SORCS1: variants seen among roughly 807,000 people sequenced by gnomAD.
SORCS1 encodes VPS10 domain-containing receptor SorCS1.
SORCS1 carries 60 observed loss-of-function variants against 146.1 expected under a neutral mutation model. The ratio of observed to expected loss-of-function variants is 0.41; its 90% CI spans 0.33 to 0.51. The LOEUF is 0.51. Among genes scored for constraint, SORCS1 ranks in the 20% least tolerant of loss-of-function variants. The pLI, the probability that SORCS1 is intolerant of heterozygous loss-of-function variation, is 0.21. For missense variants in SORCS1, 1,352 were observed against 1,487.6 expected (o/e 0.91, Z 1.50); for synonymous variants, 637 against 584.0 (o/e 1.09, Z -1.31).
intron 1 of SORCS1, among the ~76,000 whole-genome samples, chr10:106,974,404 A>G (rs561433402): frequency 6.6e-6 from 1 of 152,318 alleles, no homozygotes; most frequent in African/African-American, 2.4e-5. Flanking sequence ...TCAATACAGA[A>G]GGCTTTGTGA....
At chr10:106,776,790 G>A in intron 3 of SORCS1, 98 bp from the exon 4 acceptor site, 3 of 1,364,766 alleles carry the variant, frequency 2.2e-6, no homozygotes. Flanking sequence ...GGGAAGGACA[G>A]GGGCAGGCAA....
intron 10 of SORCS1, among the ~76,000 whole-genome samples, chr10:106,680,892 A>G (rs1299744088): frequency 6.6e-6 from 1 of 152,210 alleles, no homozygotes; most frequent in African/African-American, 2.4e-5. Context: ...AGTAAATGAC[A>G]AAGTGAAAAT....
intron 1 of SORCS1, among the ~76,000 whole-genome samples, chr10:106,974,997 C>A (rs1353111739): frequency 6.6e-6 from 1 of 152,226 alleles, no homozygotes; most frequent in Non-Finnish European, 1.5e-5. Flanking sequence ...CTCCTGGCAA[C>A]TCCTGACAGT....
At chr10:106,676,448 G>A (rs1370388578) in intron 13 of SORCS1, among the ~76,000 whole-genome samples, 1 of 152,184 alleles carries the variant, frequency 6.6e-6, no homozygotes, top group Non-Finnish European at 1.5e-5. Flanking sequence ...TAAACTCCAG[G>A]AGATGTTATT....
At chr10:106,914,606 A>G (rs1952324096) in intron 2 of SORCS1, among the ~76,000 whole-genome samples, 1 of 152,188 alleles carries the variant, frequency 6.6e-6, no homozygotes, top group African/African-American at 2.4e-5. Flanking sequence ...TAAGTCATTT[A>G]TCCTCTCTGG....
intron 10 of SORCS1, among the ~76,000 whole-genome samples, chr10:106,682,347 C>A (rs1852503382): frequency 6.6e-6 from 1 of 152,122 alleles, no homozygotes; most frequent in African/African-American, 2.4e-5. Flanking sequence ...TTTTTCTCCA[C>A]TCTCACATTT....
intron 1 of SORCS1, among the ~76,000 whole-genome samples, chr10:107,125,536 A>G (rs1364543590): frequency 6.6e-6 from 1 of 152,218 alleles, no homozygotes; most frequent in East Asian, 1.9e-4. Flanking sequence ...CAATTTTTGC[A>G]TACAGAAGAC....
chr10:106,670,299 CAA>C (rs1197578840), intron 16 of SORCS1, among the ~76,000 whole-genome samples: 2 of 152,156 alleles, frequency 1.3e-5, no homozygotes, highest in East Asian at 3.9e-4. Flanking sequence ...TTCTGCTGAG[CAA>C]ATGTCTCAAG....
chr10:107,078,363 A>T (rs1466871522), intron 1 of SORCS1, among the ~76,000 whole-genome samples: 1 of 152,214 alleles, frequency 6.6e-6, no homozygotes, highest in African/African-American at 2.4e-5. Flanking sequence ...CAGATTTCAG[A>T]CAATTCAAAA....
At chr10:107,037,587 C>A (rs988369976) in intron 1 of SORCS1, among the ~76,000 whole-genome samples, 5 of 152,192 alleles carry the variant, frequency 3.3e-5, no homozygotes, top group Non-Finnish European at 7.3e-5. Flanking sequence ...CAGTTCCAGG[C>A]AAAATTGTGG....
intron 1 of SORCS1, among the ~76,000 whole-genome samples, chr10:107,083,778 T>G (rs1205580106): frequency 6.6e-6 from 1 of 152,182 alleles, no homozygotes; most frequent in African/African-American, 2.4e-5. Context: ...ATATGAGCAC[T>G]GTAAAAGGAG....
chr10:107,085,317 G>C (rs915583995), intron 1 of SORCS1, among the ~76,000 whole-genome samples: 1 of 152,144 alleles, frequency 6.6e-6, no homozygotes, highest in Non-Finnish European at 1.5e-5. Flanking sequence ...AAATTGGCCA[G>C]AGTATCAACA....
chr10:106,915,774 T>C (rs569129463), intron 2 of SORCS1, among the ~76,000 whole-genome samples: 1 of 152,214 alleles, frequency 6.6e-6, no homozygotes, highest in Non-Finnish European at 1.5e-5. Context: ...CAATAATGTA[T>C]TGCCCCCTTC....
intron 1 of SORCS1, among the ~76,000 whole-genome samples, chr10:107,117,554 T>A (rs998500001): frequency 1.3e-5 from 2 of 152,140 alleles, no homozygotes; most frequent in Non-Finnish European, 2.9e-5. Flanking sequence ...AGTTCAGGAC[T>A]TCTTCCCTAG....
In SORCS1 at chr10:107,163,564, C is replaced by T. The variant is rs574398711; in HGVS notation, c.558+405G>A. ...ATGGGTCTTCTTAATCTTCTTTGAGCCAGTACATAGGTCTGGCAAGTAAAG... is the reference window on the plus strand; with the variant it reads ...ATGGGTCTTCTTAATCTTCTTTGAGTCAGTACATAGGTCTGGCAAGTAAAG... On this transcript the variant is annotated intron_variant, in intron 1 of 25. Transcript: ENST00000263054. Among the ~76,000 whole-genome samples, 12 of 152,300 alleles carry T rather than the reference C, an allele frequency of 7.9e-5. 1 individual carries two copies. Among genetic ancestry groups the T allele is most frequent in the African/African-American group, 2.9e-4 (12 of 41,568 alleles).
chr10:106,586,772 A>G (rs113808900), intron 24 of SORCS1, among the ~76,000 whole-genome samples: 5,858 of 152,288 alleles, frequency 0.038, 312 homozygotes, highest in East Asian at 0.24. Flanking sequence ...CCTGGGCAAC[A>G]TAGCAACACC....
intron 19 of SORCS1, among the ~76,000 whole-genome samples, chr10:106,626,560 C>T (rs1046616764): frequency 2.0e-5 from 3 of 152,154 alleles, no homozygotes; most frequent in Admixed American, 6.5e-5. Context: ...GAGTGTGACT[C>T]GGTTATGTTC....
chr10:106,933,898 AGCCTGGCCAACATG>A (rs1264626601), intron 2 of SORCS1, among the ~76,000 whole-genome samples: 3 of 152,184 alleles, frequency 2.0e-5, no homozygotes, highest in Non-Finnish European at 4.4e-5. Flanking sequence ...GTTCAAGACC[AGCCTGGCCAACATG>A]GCGAAACCCC....
At chr10:106,930,430 G>T (rs1953357367) in intron 2 of SORCS1, among the ~76,000 whole-genome samples, 1 of 152,194 alleles carries the variant, frequency 6.6e-6, no homozygotes, top group African/African-American at 2.4e-5. Flanking sequence ...AAGTGGCAGG[G>T]CTGCTGTATA....
Sources: gnomAD v4.1 joint callset for allele counts (sites outside exome capture counted in the v4.1 genomes callset) on GRCh38, gnomAD v4.1.1 for gene constraint, MANE v1.5 for transcripts, NCBI Gene and HGNC (gene_info 2026-07-23, HGNC 2026-07-21) for gene names.